The following CPPED1 variants were observed in gnomAD, a reference collection of about 807,000 sequenced individuals.
The protein encoded by CPPED1 is serine/threonine-protein phosphatase CPPED1.
A neutral mutation model predicts 28.0 loss-of-function variants in CPPED1; 28 were observed. The ratio of observed to expected loss-of-function variants is 1.00; its 90% CI spans 0.74 to 1.37. The LOEUF (loss-of-function observed/expected upper bound fraction) is 1.37, where lower values mean the gene tolerates loss of function less well. CPPED1 is among the 40% of genes most tolerant of loss of function. CPPED1 has a pLI of 0.00. For missense variants in CPPED1, 504 were observed against 416.5 expected (o/e 1.21, Z -1.83); for synonymous variants, 198 against 180.2 (o/e 1.10, Z -0.79).
In CPPED1 at chr16:12,781,192, G is replaced by A. The variant is rs370714292; in HGVS notation, c.282C>T (p.Ala94=). Residue 94 remains alanine, a synonymous_variant, in exon 2 of 4, where the codon GCC becomes GCT. Coordinates refer to ENST00000381774, the MANE Select transcript of CPPED1 (RefSeq NM_018340.3). ...CGATGACCCGAGTCTTACCTGGCAT[G>A]GCGTGGATGAGGTCGCCGCACAGAA... ...FFVLCGDLIH[A]MPGKPWRTEQ... is the part of the protein sequence containing the mutation. 9.0e-5 allele frequency: 145 copies of A among 1,612,326 alleles called. 1 individual carries two copies. The highest frequency in any genetic ancestry group is 1.1e-4 in the Non-Finnish European group (135 of 1,179,250).
At chr16:12,767,211 A>G (rs75844958) in intron 2 of CPPED1, among the ~76,000 whole-genome samples, 2,692 of 152,240 alleles carry the variant, frequency 0.018, 89 homozygotes, top group African/African-American at 0.061. Flanking sequence ...TGATGGTGTT[A>G]GTGCTGGTCT....
intron 1 of CPPED1, among the ~76,000 whole-genome samples, chr16:12,795,297 G>C (rs1378054167): frequency 6.6e-6 from 1 of 152,086 alleles, no homozygotes; most frequent in Non-Finnish European, 1.5e-5. Flanking sequence ...TCTGCCTCTA[G>C]ATGCTCTGGA....
intron 1 of CPPED1, among the ~76,000 whole-genome samples, chr16:12,787,192 T>C (rs1465721252): frequency 6.6e-6 from 1 of 152,040 alleles, no homozygotes. Flanking sequence ...CAAATATGTG[T>C]GGAAGGAATA....
chr16:12,668,813 G>A (rs1042100188), intron 3 of CPPED1, among the ~76,000 whole-genome samples: 6 of 152,244 alleles, frequency 3.9e-5, no homozygotes, highest in Non-Finnish European at 7.3e-5. Context: ...TGGCTGTGAT[G>A]AAAGAGATGG....
At chr16:12,789,957 G>T (rs2080586757) in intron 1 of CPPED1, among the ~76,000 whole-genome samples, 1 of 152,168 alleles carries the variant, frequency 6.6e-6, no homozygotes, top group Non-Finnish European at 1.5e-5. Flanking sequence ...CCACATTTCG[G>T]CTAACTTATA....
intron 3 of CPPED1, among the ~76,000 whole-genome samples, chr16:12,679,976 C>T (rs1311809467): frequency 1.3e-5 from 2 of 152,200 alleles, no homozygotes; most frequent in Non-Finnish European, 2.9e-5. Flanking sequence ...CATGCCCAGA[C>T]AGACTTTTCT....
intron 1 of CPPED1, among the ~76,000 whole-genome samples, chr16:12,803,232 CT>C (rs2080671376): frequency 6.6e-6 from 1 of 152,186 alleles, no homozygotes; most frequent in Non-Finnish European, 1.5e-5. Flanking sequence ...CGGTGAATGA[CT>C]TAAATAAACG....
chr16:12,709,521 A>G lies in CPPED1; in HGVS notation c.290-4472T>C, dbSNP rs2141190202. On this transcript the variant is annotated intron_variant, in intron 2 of 3. Transcript: ENST00000381774. This position sits in a 1 kb window ranked among gnomAD's most constrained non-coding sequence, Gnocchi z 4.4. ...TGGTCAAAATAAAACTAGGAGGTAA[A>G]AAGCATGATAACGATAATTACAAAA... Among the ~76,000 whole-genome samples, 1 of 152,316 alleles carries G rather than the reference A, an allele frequency of 6.6e-6. No homozygotes were observed.
intron 2 of CPPED1, among the ~76,000 whole-genome samples, chr16:12,765,290 C>G (rs1350921642): frequency 1.3e-5 from 2 of 152,210 alleles, no homozygotes; most frequent in South Asian, 4.1e-4. Flanking sequence ...AGCTTCATCA[C>G]GTTCTACCAG....
intron 3 of CPPED1, among the ~76,000 whole-genome samples, chr16:12,667,696 C>A (rs1008013327): frequency 2.6e-5 from 4 of 152,104 alleles, no homozygotes; most frequent in Admixed American, 2.6e-4. Context: ...AATACAGAGA[C>A]CCAGACACAA....
intron 1 of CPPED1, among the ~76,000 whole-genome samples, chr16:12,789,008 G>A (rs1422292622): frequency 6.6e-6 from 1 of 152,242 alleles, no homozygotes; most frequent in Admixed American, 6.5e-5. Context: ...GGTCTGCTTA[G>A]CAGATGTGTG....
At chr16:12,673,822 G>C (rs79171970) in intron 3 of CPPED1, among the ~76,000 whole-genome samples, 8,425 of 152,244 alleles carry the variant, frequency 0.055, 732 homozygotes, top group African/African-American at 0.19. Context: ...CGAGGTTAGA[G>C]GATCGCTTGG....
intron 2 of CPPED1, among the ~76,000 whole-genome samples, chr16:12,715,056 C>T (rs77027645): frequency 0.03 from 4,608 of 152,138 alleles, 238 homozygotes; most frequent in African/African-American, 0.11. Context: ...AAAGACTACC[C>T]TTTCCCCATT....
chr16:12,778,296 A>C, intron 2 of CPPED1, among the ~76,000 whole-genome samples: 1 of 55,116 alleles, frequency 1.8e-5, no homozygotes, highest in East Asian at 5.3e-4. Flanking sequence ...TTTTTTTTTG[A>C]GATGGAGTCT....
chr16:12,665,253 A>ACATT, intron 3 of CPPED1, 138 bp from the exon 4 acceptor site: 1 of 755,528 alleles, frequency 1.3e-6, no homozygotes, highest in Non-Finnish European at 2.0e-6. Context: ...TATTAAATGT[A>ACATT]TAATATTATT....
At chr16:12,694,276 T>C (rs938754730) in intron 3 of CPPED1, among the ~76,000 whole-genome samples, 3 of 152,156 alleles carry the variant, frequency 2.0e-5, no homozygotes, top group African/African-American at 7.2e-5. Context: ...GAGAAGAAAC[T>C]TCTCTGTTTT....
intron 3 of CPPED1, among the ~76,000 whole-genome samples, chr16:12,696,045 C>A (rs1398308022): frequency 6.6e-6 from 1 of 152,212 alleles, no homozygotes. Context: ...TTAAAAGTAG[C>A]ATGCCTTCCT....
At chr16:12,782,427 G>A (rs565931710) in intron 1 of CPPED1, among the ~76,000 whole-genome samples, 8 of 152,156 alleles carry the variant, frequency 5.3e-5, no homozygotes, top group South Asian at 2.1e-4. Flanking sequence ...GAGGACCCCC[G>A]ATCTACAGCC....
intron 3 of CPPED1, among the ~76,000 whole-genome samples, chr16:12,681,251 C>T (rs1029869033): frequency 4.0e-5 from 6 of 151,898 alleles, no homozygotes; most frequent in African/African-American, 1.2e-4. Context: ...GATTAGGTCA[C>T]GGGGGCTCTG....
Sources: allele counts gnomAD v4.1 joint callset (sites outside exome capture counted in the v4.1 genomes callset), GRCh38; gene constraint gnomAD v4.1.1; non-coding constraint Gnocchi (gnomAD v3.1); transcripts MANE v1.5; gene names NCBI Gene and HGNC (gene_info 2026-07-23, HGNC 2026-07-21).